Variants in CDH12 observed in about 807,000 individuals in gnomAD.
CDH12 encodes the protein cadherin 12, also known as cadherin-12.
In CDH12, 41 loss-of-function variants were observed where a neutral mutation model predicts 74.1. The observed-to-expected ratio is 0.55, with a 90% CI of 0.43 to 0.72. The LOEUF is 0.72. Ranked by LOEUF, CDH12 falls within the 30% of genes least tolerant of loss-of-function variation. CDH12 has a pLI of 0.00. For missense variants in CDH12, 945 were observed against 977.2 expected (o/e 0.97, Z 0.44); for synonymous variants, 399 against 355.0 (o/e 1.12, Z -1.39).
chr5:22,067,318 T>C (rs1741631880), intron 5 of CDH12, among the ~76,000 whole-genome samples: 1 of 152,214 alleles, frequency 6.6e-6, no homozygotes, highest in African/African-American at 2.4e-5. Flanking sequence ...AGCCTAGTAC[T>C]ACCGGACATA....
chr5:22,099,460 T>C (rs1006022789), intron 4 of CDH12, among the ~76,000 whole-genome samples: 9 of 152,208 alleles, frequency 5.9e-5, no homozygotes, highest in African/African-American at 1.7e-4. Context: ...GGCCTGTCCT[T>C]GGAATGCTAC....
At chr5:22,310,214 A>G (rs1428130067) in intron 3 of CDH12, among the ~76,000 whole-genome samples, 1 of 152,046 alleles carries the variant, frequency 6.6e-6, no homozygotes, top group East Asian at 1.9e-4. Context: ...TATTCCCTGC[A>G]CTTTGGGAGG....
chr5:22,527,982 C>G (rs1737365860), intron 1 of CDH12, among the ~76,000 whole-genome samples: 1 of 152,124 alleles, frequency 6.6e-6, no homozygotes, highest in South Asian at 2.1e-4. Flanking sequence ...CTCTTAATAT[C>G]CATTTCCACA....
chr5:21,828,622 T>C (rs541795475), intron 8 of CDH12, among the ~76,000 whole-genome samples: 17 of 152,350 alleles, frequency 1.1e-4, no homozygotes, highest in African/African-American at 4.1e-4. Flanking sequence ...GCAAATTTGA[T>C]TTGTAAATAT....
chr5:22,696,023 A>C (rs1015819111), intron 1 of CDH12, among the ~76,000 whole-genome samples: 12 of 152,246 alleles, frequency 7.9e-5, no homozygotes, highest in Admixed American at 1.3e-4. Context: ...GTCTGTAAAT[A>C]GTATTTGTCT....
At chr5:21,761,084 A>T (rs1463909912) in intron 12 of CDH12, among the ~76,000 whole-genome samples, 2 of 152,198 alleles carry the variant, frequency 1.3e-5, no homozygotes, top group Non-Finnish European at 2.9e-5. Flanking sequence ...AAAATTTAGT[A>T]TGAGTTATGT....
intron 5 of CDH12, among the ~76,000 whole-genome samples, chr5:21,990,452 A>G (rs1757696292): frequency 6.6e-6 from 1 of 152,032 alleles, no homozygotes; most frequent in East Asian, 1.9e-4. Flanking sequence ...CAGAGTCTTC[A>G]TATGTAAAAT....
At chr5:22,620,645 G>A (rs1737925988) in intron 1 of CDH12, among the ~76,000 whole-genome samples, 1 of 152,096 alleles carries the variant, frequency 6.6e-6, no homozygotes, top group African/African-American at 2.4e-5. Flanking sequence ...TATATGCCCA[G>A]TAGATCATGC....
At chr5:21,942,288 C>CA (rs1755364339) in intron 6 of CDH12, among the ~76,000 whole-genome samples, 1 of 150,064 alleles carries the variant, frequency 6.7e-6, no homozygotes, top group South Asian at 2.1e-4. Context: ...TGTTTTAATC[C>CA]ACTAAGTTGG....
intron 5 of CDH12, among the ~76,000 whole-genome samples, chr5:22,021,738 A>C (rs1441351190): frequency 1.3e-5 from 2 of 152,224 alleles, no homozygotes; most frequent in East Asian, 3.8e-4. Context: ...AGTAAAAAAT[A>C]TGTATAGATT....
At chr5:22,161,534 C>A (rs1011415934) in intron 4 of CDH12, among the ~76,000 whole-genome samples, 3 of 151,120 alleles carry the variant, frequency 2.0e-5, no homozygotes, top group Non-Finnish European at 4.4e-5. Flanking sequence ...CTGTCTGTAT[C>A]ATAATAATAA....
chr5:22,597,992 C>T (rs1736683300), intron 1 of CDH12, among the ~76,000 whole-genome samples: 1 of 152,072 alleles, frequency 6.6e-6, no homozygotes, highest in African/African-American at 2.4e-5. Flanking sequence ...GGAAAATATT[C>T]TGAAGAACTG....
intron 4 of CDH12, among the ~76,000 whole-genome samples, chr5:22,149,644 C>T (rs1188638499): frequency 2.0e-5 from 3 of 152,208 alleles, no homozygotes; most frequent in Admixed American, 2.0e-4. Flanking sequence ...ATGATCTAAT[C>T]TCCAACCTCA....
intron 1 of CDH12, among the ~76,000 whole-genome samples, chr5:22,659,081 G>A (rs781116086): frequency 1.3e-4 from 20 of 152,100 alleles, no homozygotes; most frequent in Admixed American, 2.6e-4. Flanking sequence ...ATAAAAACAA[G>A]ATGATGGATT....
chr5:22,091,483 T>C (rs1461810353), intron 4 of CDH12, among the ~76,000 whole-genome samples: 3 of 151,798 alleles, frequency 2.0e-5, no homozygotes, highest in Admixed American at 2.0e-4. Context: ...AGATAAAATA[T>C]TTAGATCAAA....
intron 1 of CDH12, among the ~76,000 whole-genome samples, chr5:22,523,439 G>A (rs1452366941): frequency 2.0e-5 from 3 of 152,106 alleles, no homozygotes; most frequent in South Asian, 2.1e-4. Flanking sequence ...ATCCACTAGA[G>A]AATGCATTTT....
chr5:22,845,410 C>T (rs1737255785), intron 1 of CDH12, among the ~76,000 whole-genome samples: 1 of 152,070 alleles, frequency 6.6e-6, no homozygotes, highest in Non-Finnish European at 1.5e-5. Context: ...TGCTCAAACT[C>T]CTTTAATAGG....
At chr5:22,658,522 T>C (rs1004344832) in intron 1 of CDH12, among the ~76,000 whole-genome samples, 3 of 152,082 alleles carry the variant, frequency 2.0e-5, no homozygotes, top group Non-Finnish European at 4.4e-5. Context: ...AGAAATCACC[T>C]CTATTAGAAG....
At chr5:21,820,153 A>G (rs1748286433) in intron 8 of CDH12, among the ~76,000 whole-genome samples, 1 of 151,980 alleles carries the variant, frequency 6.6e-6, no homozygotes, top group Non-Finnish European at 1.5e-5. Context: ...ACTGCAGATG[A>G]AAGAGCCCCC....
Sources: allele counts gnomAD v4.1 joint callset (sites outside exome capture counted in the v4.1 genomes callset), GRCh38; gene constraint gnomAD v4.1.1; transcripts MANE v1.5; gene names NCBI Gene and HGNC (gene_info 2026-07-23, HGNC 2026-07-21).